The following ZNF335 variants were observed in gnomAD, a reference collection of about 807,000 sequenced individuals.
The protein encoded by ZNF335 is zinc finger protein 335, also known as NRC-interacting factor 1.
In ZNF335, 84 loss-of-function variants were observed where a neutral mutation model predicts 145.6. The ratio of observed to expected loss-of-function variants is 0.58; its 90% confidence interval spans 0.48 to 0.69. The LOEUF (loss-of-function observed/expected upper bound fraction) is 0.69, where lower values mean the gene tolerates loss of function less well. Ranked by LOEUF, ZNF335 falls within the 30% of genes least tolerant of loss-of-function variation. ZNF335 has a pLI of 0.00. For missense variants in ZNF335, 1,865 were observed against 1,809.7 expected (o/e 1.03, Z -0.55); for synonymous variants, 761 against 717.0 (o/e 1.06, Z -0.98).
In ZNF335 at chr20:45,950,341, AT is replaced by A; in HGVS notation, c.3364del (p.Ile1122SerfsTer30). 6.3e-7 allele frequency: 1 copy of A among 1,585,430 alleles called. No homozygotes were observed. The highest frequency in any genetic ancestry group is 1.2e-5 in the South Asian group (1 of 85,802). On this transcript the variant is annotated frameshift_variant, in exon 22 of 28. Transcript: ENST00000322927. LOFTEE classifies it high-confidence loss of function. ...FNRNGHLKFHIQRLHSPDGRK... is the reference protein window; with the variant it reads ...FNRNGHLKFHXQRLHSPDGRK... Reference sequence around the variant, plus strand: ...CCCATCAGGACTGTGCAGCCGCTGGATGTGGAACTTGAGGTGCCCGTTACGG... The same window carrying A: ...CCCATCAGGACTGTGCAGCCGCTGGAGTGGAACTTGAGGTGCCCGTTACGG...
At position 45,952,203 on chromosome 20, in the gene ZNF335, C is replaced by T. The variant is rs1430234186; in HGVS notation, c.3133G>A (p.Gly1045Ser). ...GGGCAGTCGGGGCACTTGAAGGCAC[C>T]AGGCCCAGCGTGGGCCCGCTTGTGA... is the stretch of plus-strand genomic sequence containing the variant. ...ESHKRAHAGPGAFKCPDCPFS... is the reference protein window; with the variant it reads ...ESHKRAHAGPSAFKCPDCPFS... Residue 1045 changes from glycine to serine, a missense_variant, in exon 20 of 28, where the codon GGT becomes AGT. Gly to Ser is a moderately conservative substitution (Grantham distance 56). Transcript: ENST00000322927. The T allele has an allele frequency of 6.2e-7, 1 of 1,612,528 alleles. No individual in the cohort carries two copies. The highest frequency in any genetic ancestry group is 1.3e-5 in the African/African-American group (1 of 74,962).
At position 45,952,521 on chromosome 20, in the gene ZNF335, G is replaced by C. The variant is rs772792558; in HGVS notation, c.2815C>G (p.Leu939Val). The stretch of plus-strand genomic sequence containing the variant: ...AAGGAGATGGAGCCATCTGCGGTGA[G>C]CTGTAGAGAGACAGGGAGCATGAGG... ...TDGTQLHHIE[L>V]TADGSISFPS... Residue 939 changes from leucine to valine, a missense_variant and splice_region_variant, in exon 20 of 28, where the codon CTC becomes GTC. Coordinates refer to ENST00000322927, the MANE Select transcript of ZNF335 (RefSeq NM_022095.4). The C allele has an allele frequency of 6.3e-7, 1 of 1,592,744 alleles. No homozygotes were observed. Among genetic ancestry groups the C allele is most frequent in the East Asian group, 2.2e-5 (1 of 44,628 alleles).
rs573530671 is a variant in ZNF335 at position 45,955,988 on chromosome 20, G to C, written c.2442+1598C>G. 7.3e-4 allele frequency among the ~76,000 whole-genome samples: 111 copies of C among 152,270 alleles called. 1 individual carries two copies. The South Asian group carries it at 8.9e-3, about 12-fold the overall frequency. On this transcript the variant is annotated intron_variant, in intron 17 of 27. Coordinates refer to ENST00000322927, the MANE Select transcript of ZNF335 (RefSeq NM_022095.4). Reference sequence around the variant, plus strand: ...CAAGATGGAGATCTTAGGAGAATAAGGGTAACTGCAGGTGCTGGCCAGGCC... The same window carrying C: ...CAAGATGGAGATCTTAGGAGAATAACGGTAACTGCAGGTGCTGGCCAGGCC...
In ZNF335 at chr20:45,967,939, T is replaced by C; in HGVS notation, c.609A>G (p.Thr203=). 1 of 1,612,748 alleles carries C rather than the reference T, an allele frequency of 6.2e-7. No homozygotes were observed. Among genetic ancestry groups the C allele is most frequent in the Non-Finnish European group, 8.5e-7 (1 of 1,179,906 alleles). Residue 203 remains threonine, a synonymous_variant, in exon 5 of 28, where the codon ACA becomes ACG. Coordinates refer to ENST00000322927, the MANE Select transcript of ZNF335 (RefSeq NM_022095.4). ...IEALADGPTS[T]STCLEAQGGP... is the part of the protein sequence containing the mutation. ...CACCCTGTGCCTCCAGGCATGTGGATGTGGATGTGGGGCCATCTGCCAGGG... is the reference window on the plus strand; with the variant it reads ...CACCCTGTGCCTCCAGGCATGTGGACGTGGATGTGGGGCCATCTGCCAGGG...
chr20:45,951,852 T>C (rs1172574125), intron 20 of ZNF335, among the ~76,000 whole-genome samples: 1 of 152,196 alleles, frequency 6.6e-6, no homozygotes, highest in Non-Finnish European at 1.5e-5. Context: ...AGCTTGGCCA[T>C]CCCTTCTGTG....
At position 45,960,340 on chromosome 20, in the gene ZNF335, A is replaced by G; in HGVS notation, c.1888T>C (p.Cys630Arg). The G allele has an allele frequency of 6.2e-7, 1 of 1,614,192 alleles. No individual in the cohort carries two copies. The highest frequency in any genetic ancestry group is 2.2e-5 in the East Asian group (1 of 44,892). Residue 630 changes from cysteine to arginine, a missense_variant, in exon 14 of 28, where the codon TGT becomes CGT. Cys to Arg is a radical substitution (Grantham distance 180). Coordinates refer to ENST00000322927, the MANE Select transcript of ZNF335 (RefSeq NM_022095.4). ...TTCAGCAGTGCCTTCTTGTCTTCAC[A>G]AACAAACTCACAGAACTCACACTTG... ...RFKCEFCEFV[C>R]EDKKALLNHQ...
intron 20 of ZNF335, among the ~76,000 whole-genome samples, chr20:45,951,395 T>C (rs1192390541): frequency 1.3e-5 from 2 of 152,222 alleles, no homozygotes; most frequent in African/African-American, 4.8e-5. Context: ...ACCTTCTCCA[T>C]GGTGGCTCCC....
chr20:45,956,915 T>C (rs1389568564), intron 17 of ZNF335, among the ~76,000 whole-genome samples: 1 of 152,214 alleles, frequency 6.6e-6, no homozygotes, highest in Non-Finnish European at 1.5e-5. Flanking sequence ...TAAATTTTCC[T>C]ATCTAAAAAT....
At chr20:45,964,117 G>A in intron 7 of ZNF335, 127 bp from the exon 8 acceptor site, 1 of 1,174,198 alleles carries the variant, frequency 8.5e-7, no homozygotes, top group Non-Finnish European at 1.2e-6. Flanking sequence ...GGTGCATTGA[G>A]TCACATGACA....
At chr20:45,953,253 G>T (rs1326647132) in intron 18 of ZNF335, among the ~76,000 whole-genome samples, 1 of 152,220 alleles carries the variant, frequency 6.6e-6, no homozygotes, top group African/African-American at 2.4e-5. Flanking sequence ...CCAAGTACAG[G>T]TGCCAGGCCT....
intron 2 of ZNF335, among the ~76,000 whole-genome samples, chr20:45,970,844 G>A (rs1482476538): frequency 6.8e-6 from 1 of 148,054 alleles, no homozygotes. Context: ...TCCCACCTCA[G>A]CCTTCCAAAG....
chr20:45,951,335 CAG>C (rs1249659957), intron 20 of ZNF335, among the ~76,000 whole-genome samples: 1 of 152,238 alleles, frequency 6.6e-6, no homozygotes, highest in African/African-American at 2.4e-5. Context: ...CTCAGGCAAA[CAG>C]GGAGGCCCCA....
chr20:45,954,122 A>G (rs1013301453), intron 17 of ZNF335, among the ~76,000 whole-genome samples, 174 bp from the exon 18 acceptor site: 1 of 152,204 alleles, frequency 6.6e-6, no homozygotes, highest in African/African-American at 2.4e-5. Flanking sequence ...TGGCTTTCCA[A>G]ATCCCACTCA....
At chr20:45,952,883 T>C (rs957560976) in intron 18 of ZNF335, among the ~76,000 whole-genome samples, 174 bp from the exon 19 acceptor site, 8 of 152,290 alleles carry the variant, frequency 5.3e-5, no homozygotes, top group East Asian at 1.9e-4. Context: ...CCATGTCTCT[T>C]GTAAATGATT....
Position 45,971,165 on chromosome 20 carries a change from C to T in ZNF335, c.201+45G>A. 2.7e-6 allele frequency: 4 copies of T among 1,474,606 alleles called. No homozygotes were observed. In the South Asian group the frequency reaches 5.4e-5, roughly 20 times the overall value. 91.3% of individuals were successfully genotyped at this position (1,474,606 alleles called of 1,614,324 possible). On this transcript the variant is annotated intron_variant, in intron 2 of 27. Coordinates refer to ENST00000322927, the MANE Select transcript of ZNF335 (RefSeq NM_022095.4). ...TCCTCTTGGCTGTCAGGCACTGCTG[C>T]TCGCGGTCCTTGCCTCCACCCACGC...
intron 20 of ZNF335, among the ~76,000 whole-genome samples, chr20:45,951,097 G>T (rs2083623103): frequency 6.6e-6 from 1 of 152,196 alleles, no homozygotes; most frequent in South Asian, 2.1e-4. Context: ...TCTCCATGTT[G>T]GTCAGGCTGG....
chr20:45,968,166 T>C, intron 4 of ZNF335, 119 bp downstream of exon 4: 1 of 1,502,702 alleles, frequency 6.7e-7, no homozygotes, highest in South Asian at 1.2e-5. Flanking sequence ...GTAGGAAAAC[T>C]GAGACCCAGA....
At chr20:45,953,136 C>G (rs185947325) in intron 18 of ZNF335, among the ~76,000 whole-genome samples, 1 of 152,286 alleles carries the variant, frequency 6.6e-6, no homozygotes, top group East Asian at 1.9e-4. Flanking sequence ...GATCCTGACT[C>G]CCTGCTCAGC....
chr20:45,953,712 T>C lies in ZNF335; in HGVS notation c.2679A>G (p.Thr893=). 5 of 1,614,062 alleles carry C rather than the reference T, an allele frequency of 3.1e-6. No individual in the cohort carries two copies. Among genetic ancestry groups the C allele is most frequent in the Non-Finnish European group, 4.2e-6 (5 of 1,179,998 alleles). The change falls in exon 18 of 28, where the codon ACA becomes ACG. Residue 893 remains threonine, a synonymous_variant. Coordinates refer to ENST00000322927, the MANE Select transcript of ZNF335 (RefSeq NM_022095.4). Reference sequence around the variant, plus strand: ...ACCTGTAAGGTGTGCCAGGAGCTGATGTTCCCTCCTCCATAGGGGGTGCTG... The same window carrying C: ...ACCTGTAAGGTGTGCCAGGAGCTGACGTTCCCTCCTCCATAGGGGGTGCTG... ...VITAPPMEEG[T]SAPGTPYSEE...
Sources: allele counts gnomAD v4.1 joint callset (sites outside exome capture counted in the v4.1 genomes callset), GRCh38; gene constraint gnomAD v4.1.1; transcripts MANE v1.5; gene names NCBI Gene and HGNC (gene_info 2026-07-23, HGNC 2026-07-21).